The following ANKRD1 variants were observed in gnomAD, a reference collection of about 807,000 sequenced individuals.
ANKRD1 encodes ankyrin repeat domain-containing protein 1.
A neutral mutation model predicts 40.1 loss-of-function variants in ANKRD1; 32 were observed. That is an observed-to-expected ratio of 0.80 (90% CI 0.60 to 1.07). The LOEUF (loss-of-function observed/expected upper bound fraction) is 1.07, where lower values mean the gene tolerates loss of function less well. Ranked by LOEUF, ANKRD1 falls within the 50% of genes least tolerant of loss-of-function variation. The probability of loss-of-function intolerance (pLI) is 0.00; values close to 1 mark genes in which losing one functional copy is unlikely to be tolerated. For missense variants in ANKRD1, 359 were observed against 386.0 expected (o/e 0.93, Z 0.59); for synonymous variants, 149 against 141.2 (o/e 1.06, Z -0.39).
At chr10:90,917,893 T>A (rs1321702224) in intron 4 of ANKRD1, 63 bp from the exon 5 acceptor site, 10 of 1,364,748 alleles carry the variant, frequency 7.3e-6, no homozygotes, top group Non-Finnish European at 9.4e-6. Flanking sequence ...TAAACCCTTT[T>A]AAGAGCTATG....
chr10:90,918,590 G>T (rs952112582), intron 4 of ANKRD1, among the ~76,000 whole-genome samples: 1 of 151,898 alleles, frequency 6.6e-6, no homozygotes, highest in Admixed American at 6.6e-5. Context: ...CACATTAAAA[G>T]TCTTATCCCA....
intron 2 of ANKRD1, among the ~76,000 whole-genome samples, chr10:90,919,862 AAG>A (rs767893920): frequency 1.3e-5 from 2 of 152,220 alleles, no homozygotes; most frequent in Non-Finnish European, 2.9e-5. Flanking sequence ...TATTGAGAAA[AAG>A]AGATCTCCGT....
intron 7 of ANKRD1, 40 bp from the exon 8 acceptor site, chr10:90,915,681 G>T (rs946226416): frequency 1.2e-6 from 2 of 1,608,560 alleles, no homozygotes; most frequent in Admixed American, 3.3e-5. Flanking sequence ...TGGGTCTGAG[G>T]CCAGGAAGTG....
chr10:90,912,650 A>C lies in ANKRD1; in HGVS notation c.*216T>G. On this transcript the variant is annotated 3_prime_UTR_variant, in exon 9 of 9. Transcript: ENST00000371697. ...AAGGTCTGAATATCAGTAGCGTGGC[A>C]GTAAATAAATAAACAGGAATACATA... 1 of 496,536 alleles carries C rather than the reference A, an allele frequency of 2.0e-6. No individual in the cohort carries two copies. Among genetic ancestry groups the C allele is most frequent in the Admixed American group, 3.2e-5 (1 of 31,612 alleles). The allele number at this position is 496,536 out of a possible 1,614,324, so 30.8% of individuals were successfully genotyped here. A position where few individuals can be genotyped will look rare whatever the true frequency, so the allele number is the denominator to read the frequency against.
At chr10:90,919,698 G>A (rs1847413772) in intron 2 of ANKRD1, among the ~76,000 whole-genome samples, 1 of 152,154 alleles carries the variant, frequency 6.6e-6, no homozygotes, top group African/African-American at 2.4e-5. Context: ...CTTTCACTAA[G>A]CAGAGCCTTC....
intron 4 of ANKRD1, 111 bp from the exon 5 acceptor site, chr10:90,917,941 A>G: frequency 1.2e-6 from 1 of 825,502 alleles, no homozygotes; most frequent in East Asian, 2.6e-5. Context: ...ATAGAAACTC[A>G]AGTGCTTCTT....
chr10:90,919,061 C>T, intron 3 of ANKRD1, 70 bp downstream of exon 3: 1 of 1,600,630 alleles, frequency 6.2e-7, no homozygotes, highest in Non-Finnish European at 8.5e-7. Flanking sequence ...TCAAACCCTC[C>T]ACAGATATTT....
chr10:90,913,303 T>C (rs1157351754), intron 8 of ANKRD1, among the ~76,000 whole-genome samples: 1 of 152,236 alleles, frequency 6.6e-6, no homozygotes, highest in African/African-American at 2.4e-5. Flanking sequence ...TCCAGTATCC[T>C]GTGGAATGGA....
In ANKRD1 at chr10:90,919,283, C is replaced by T. The variant is rs116511484; in HGVS notation, c.208-15G>A. 502 of 1,594,152 alleles carry T rather than the reference C, an allele frequency of 3.1e-4. 3 individuals carry two copies. In the African/African-American group the frequency reaches 5.9e-3, roughly 19 times the overall value. On this transcript the variant is annotated splice_polypyrimidine_tract_variant and intron_variant, in intron 2 of 8. Transcript: ENST00000371697. ...TTCTTTTTGAGCTAAAAAAGAAATT[C>T]GTATTTCAAAAATATGGTGAGTTCT... is the stretch of plus-strand genomic sequence containing the variant.
Position 90,915,881 on chromosome 10 carries a change from C to G in ANKRD1, c.652-1G>C. On this transcript the variant is annotated splice_acceptor_variant, in intron 6 of 8. Transcript: ENST00000371697. LOFTEE classifies it high-confidence loss of function. The stretch of plus-strand genomic sequence containing the variant: ...CCACATGCAGCGCTGTGCTGAGCAA[C>G]TGGAAAATTGGAAAACGCTGCTGAT... 6.2e-7 allele frequency: 1 copy of G among 1,606,020 alleles called. No homozygotes were observed. Among genetic ancestry groups the G allele is most frequent in the Non-Finnish European group, 8.5e-7 (1 of 1,177,750 alleles).
At chr10:90,917,603 A>C (rs1847385673) in intron 5 of ANKRD1, 129 bp downstream of exon 5, 1 of 753,754 alleles carries the variant, frequency 1.3e-6, no homozygotes, top group African/African-American at 1.8e-5. Context: ...TATTTGGAGA[A>C]ATGAGCTTTT....
intron 8 of ANKRD1, among the ~76,000 whole-genome samples, chr10:90,914,280 T>C (rs147611334): frequency 8.4e-4 from 128 of 152,294 alleles, no homozygotes; most frequent in Middle Eastern, 3.4e-3. Context: ...ATCTAACTGA[T>C]AATTCAGAAC....
At chr10:90,916,347 G>C in intron 5 of ANKRD1, 78 bp from the exon 6 acceptor site, 1 of 1,067,028 alleles carries the variant, frequency 9.4e-7, no homozygotes, top group Non-Finnish European at 1.5e-6. Flanking sequence ...TAGGGCATCC[G>C]TGAAAATAAT....
intron 4 of ANKRD1, 117 bp downstream of exon 4, chr10:90,918,748 G>T: frequency 1.2e-6 from 1 of 862,302 alleles, no homozygotes; most frequent in Non-Finnish European, 1.9e-6. Context: ...CACAGCAACA[G>T]CTGGGGAAAC....
In ANKRD1 at chr10:90,914,415, T is replaced by A. The variant is rs1283134829; in HGVS notation, c.849+1128A>T. On this transcript the variant is annotated intron_variant, in intron 8 of 8. Transcript: ENST00000371697. ...TCTCCCTAAACCTGTATGCTATTTGTCTCTGCTGGTAGTGTCTCACTGCCT... is the reference window on the plus strand; with the variant it reads ...TCTCCCTAAACCTGTATGCTATTTGACTCTGCTGGTAGTGTCTCACTGCCT... 3.3e-5 allele frequency among the ~76,000 whole-genome samples: 5 copies of A among 152,170 alleles called. No homozygotes were observed. In the East Asian group the frequency reaches 9.6e-4, roughly 29 times the overall value.
chr10:90,917,870 A>G (rs756675961), intron 4 of ANKRD1, 40 bp from the exon 5 acceptor site: 18 of 1,544,330 alleles, frequency 1.2e-5, no homozygotes, highest in Non-Finnish European at 1.4e-5. Flanking sequence ...AGCAATAAAT[A>G]TAAAAATGTG....
rs1361266647 is a variant in ANKRD1, at chr10:90,916,346, C to T, written c.553-77G>A. The T allele has an allele frequency of 9.3e-6, 10 of 1,080,770 alleles. No homozygotes were observed. In the East Asian group the frequency reaches 1.9e-4, roughly 21 times the overall value. The allele number at this position is 1,080,770 out of a possible 1,614,324, so 66.9% of individuals were successfully genotyped here. A position where few individuals can be genotyped will look rare whatever the true frequency, so the allele number is the denominator to read the frequency against. On this transcript the variant is annotated intron_variant, in intron 5 of 8. Transcript: ENST00000371697. ...ATTAGAACCTGGTTGCTAGGGCATC[C>T]GTGAAAATAATGAGTTGTCCCCATC...
In ANKRD1 at chr10:90,918,991, A is replaced by ATAT. The variant is rs1554827904; in HGVS notation, c.346-20_346-19insATA. On this transcript the variant is annotated intron_variant, in intron 3 of 8. Transcript: ENST00000371697. ...GTTCCGTCTAAAGCCAAAATAAATA[A>ATAT]ATATATATATATATATATATATATA... 2 of 269,588 alleles carry ATAT rather than the reference A, an allele frequency of 7.4e-6. No homozygotes were observed. The highest frequency in any genetic ancestry group is 1.7e-4 in the Admixed American group (1 of 5,792). The allele number at this position is 269,588 out of a possible 1,614,324, so 16.7% of individuals were successfully genotyped here.
chr10:90,920,317 G>T lies in ANKRD1; in HGVS notation c.59C>A (p.Ala20Glu), dbSNP rs775935256. Residue 20 changes from alanine to glutamate, a missense_variant, in exon 2 of 9, where the codon GCA (alanine) becomes GAA (glutamate). Physicochemically the swap from Ala to Glu is moderately radical, Grantham distance 107. Coordinates refer to ENST00000371697, the MANE Select transcript of ANKRD1 (RefSeq NM_014391.3). ...VTGKKNGNGE[A>E]GEFLPEDFRD... The stretch of plus-strand genomic sequence containing the variant: ...GAAATCCTCAGGAAGGAATTCCCCT[G>T]CCTCCCCATTGCCATTCTTCTTTCC... The T allele has an allele frequency of 1.9e-6, 3 of 1,614,128 alleles. No homozygotes were observed. Among genetic ancestry groups the T allele is most frequent in the Non-Finnish European group, 2.5e-6 (3 of 1,180,010 alleles).
Sources: allele counts gnomAD v4.1 joint callset (sites outside exome capture counted in the v4.1 genomes callset), GRCh38; gene constraint gnomAD v4.1.1; transcripts MANE v1.5; gene names NCBI Gene and HGNC (gene_info 2026-07-23, HGNC 2026-07-21).